The following EMP2 variants were observed in gnomAD, a reference collection of about 807,000 sequenced individuals.
EMP2 encodes the protein epithelial membrane protein 2.
A neutral mutation model predicts 13.7 loss-of-function variants in EMP2; 19 were observed. That is an observed-to-expected ratio of 1.38 (90% CI 0.97 to 2.03). The LOEUF (loss-of-function observed/expected upper bound fraction) is 2.03, where lower values mean the gene tolerates loss of function less well. Among genes scored for constraint, EMP2 ranks in the 30% most tolerant of loss-of-function variants. The pLI is 0.00. For synonymous variants in EMP2, 97 were observed against 84.7 expected, an observed-to-expected ratio of 1.15 and a Z score of -0.80; for missense variants, 253 against 220.7, an observed-to-expected ratio of 1.15 and a Z score of -0.93.
At position 10,532,898 on chromosome 16, in the gene EMP2, C is replaced by T. The variant is rs776818054; in HGVS notation, c.*7G>A. 4.1e-6 allele frequency: 6 copies of T among 1,476,510 alleles called. No individual in the cohort carries two copies. The highest frequency in any genetic ancestry group is 2.4e-4 in the Middle Eastern group (1 of 4,238). The allele number at this position is 1,476,510 out of a possible 1,614,324, so 91.5% of individuals were successfully genotyped here. A position where few individuals can be genotyped will look rare whatever the true frequency, so the allele number is the denominator to read the frequency against. ...TACTGCAGCAGAAGCAACCCAGCTC[C>T]GGAACTCTATTTGCGCTTCCTCAGT... On this transcript the variant is annotated 3_prime_UTR_variant, in exon 5 of 5. Coordinates refer to ENST00000359543, the MANE Select transcript of EMP2 (RefSeq NM_001424.6).
At chr16:10,575,780 C>T (rs74007159) in intron 1 of EMP2, among the ~76,000 whole-genome samples, 108 of 152,218 alleles carry the variant, frequency 7.1e-4, no homozygotes, top group African/African-American at 2.5e-3. Flanking sequence ...TTCTGATCCA[C>T]AGACAGCTGG....
chr16:10,543,696 C>A, intron 2 of EMP2, 36 bp from the exon 3 acceptor site: 1 of 1,602,258 alleles, frequency 6.2e-7, no homozygotes, highest in South Asian at 1.1e-5. Context: ...GAAAGGCCGT[C>A]CGTTCATGAT....
intron 1 of EMP2, among the ~76,000 whole-genome samples, chr16:10,579,738 A>ACACACACACACACC (rs748732742): frequency 1.1e-3 from 161 of 145,198 alleles, no homozygotes; most frequent in African/African-American, 4.0e-3. Flanking sequence ...ACACACACAC[A>ACACACACACACACC]CCCTCAAAGC....
intron 1 of EMP2, among the ~76,000 whole-genome samples, chr16:10,575,693 T>A (rs1233410217): frequency 6.6e-6 from 1 of 152,072 alleles, no homozygotes; most frequent in Admixed American, 6.5e-5. Flanking sequence ...GAAGCCAGCC[T>A]CTCCCTCAGC....
At chr16:10,564,694 C>T (rs7342766) in intron 1 of EMP2, among the ~76,000 whole-genome samples, 233 of 152,024 alleles carry the variant, frequency 1.5e-3, no homozygotes, top group African/African-American at 5.0e-3. Flanking sequence ...TCCTCCCATC[C>T]ACCACCACCA....
chr16:10,532,723 ACTCTT>A lies in EMP2; in HGVS notation c.*177_*181del, dbSNP rs2050613228. 1 of 482,232 alleles carries A rather than the reference ACTCTT, an allele frequency of 2.1e-6. No homozygotes were observed. Among genetic ancestry groups the A allele is most frequent in the Non-Finnish European group, 3.0e-6 (1 of 337,916 alleles). The allele number at this position is 482,232 out of a possible 1,614,324, so 29.9% of individuals were successfully genotyped here. A position where few individuals can be genotyped will look rare whatever the true frequency, so the allele number is the denominator to read the frequency against. On this transcript the variant is annotated 3_prime_UTR_variant, in exon 5 of 5. Coordinates refer to ENST00000359543, the MANE Select transcript of EMP2 (RefSeq NM_001424.6). Reference sequence around the variant, plus strand: ...ATTCTCTGATCTCAAGAATGCAAAAACTCTTCTCTCTTTTGGATTTTTTTTTTCTT... The same window carrying A: ...ATTCTCTGATCTCAAGAATGCAAAAACTCTCTTTTGGATTTTTTTTTTCTT...
chr16:10,551,044 A>C (rs2050784809), intron 1 of EMP2, among the ~76,000 whole-genome samples: 1 of 152,170 alleles, frequency 6.6e-6, no homozygotes, highest in South Asian at 2.1e-4. Flanking sequence ...TGTAAATGAG[A>C]CACATTACAT....
intron 3 of EMP2, among the ~76,000 whole-genome samples, chr16:10,538,783 C>T (rs1187294697): frequency 6.6e-6 from 1 of 152,018 alleles, no homozygotes; most frequent in Non-Finnish European, 1.5e-5. Flanking sequence ...GGGTTACCTT[C>T]GTGGGCCTCA....
chr16:10,552,106 A>G (rs1320268909), intron 1 of EMP2, among the ~76,000 whole-genome samples: 1 of 147,918 alleles, frequency 6.8e-6, no homozygotes, highest in Non-Finnish European at 1.5e-5. Context: ...CTGCCTCCAA[A>G]ATGATGCATT....
At chr16:10,550,135 C>T (rs2050775364) in intron 1 of EMP2, among the ~76,000 whole-genome samples, 1 of 152,078 alleles carries the variant, frequency 6.6e-6, no homozygotes, top group Admixed American at 6.6e-5. Context: ...ATCCGCCTGC[C>T]TCGGCCTCCC....
At chr16:10,546,295 A>C (rs1401646441) in intron 2 of EMP2, 1 of 152,180 alleles carries the variant, frequency 6.6e-6, no homozygotes, top group Non-Finnish European at 1.5e-5. Context: ...CTGCCCTTTA[A>C]TTATCTCTGC....
intron 3 of EMP2, among the ~76,000 whole-genome samples, chr16:10,541,073 GC>G (rs1484796678): frequency 6.6e-6 from 1 of 151,144 alleles, no homozygotes; most frequent in Non-Finnish European, 1.5e-5. Context: ...GAGTGACAAA[GC>G]GAGACCCTGA....
At position 10,569,855 on chromosome 16, in the gene EMP2, G is replaced by A. The variant is rs561009614; in HGVS notation, c.-61+10694C>T. Among the ~76,000 whole-genome samples the A allele has an allele frequency of 1.7e-4, 26 of 152,290 alleles. 1 individual carries two copies. Among genetic ancestry groups the A allele is most frequent in the African/African-American group, 6.0e-4 (25 of 41,562 alleles). ...GAAGAATGTGACCCCATGTCACACT[G>A]GTATAAACGGATGCTGATCATGCCA... is the stretch of plus-strand genomic sequence containing the variant. On this transcript the variant is annotated intron_variant, in intron 1 of 4. Coordinates refer to ENST00000359543, the MANE Select transcript of EMP2 (RefSeq NM_001424.6).
intron 1 of EMP2, chr16:10,576,599 CA>C: frequency 1.3e-5 from 2 of 151,884 alleles, no homozygotes; most frequent in South Asian, 4.2e-4. Context: ...CCCAGAGTTC[CA>C]GGAAGCTTCT....
Position 10,580,278 on chromosome 16 carries a change from C to T in EMP2, c.-61+271G>A, listed in dbSNP as rs1385743648. Among the ~76,000 whole-genome samples the T allele has an allele frequency of 1.3e-5, 2 of 152,188 alleles. No homozygotes were observed. The highest frequency in any genetic ancestry group is 2.9e-5 in the Non-Finnish European group (2 of 68,034). ...GGCGGGGCGAGGGGAGGCGCCCTGA[C>T]TCCTCCCCAAACTTTTCCCGCCTGC... On this transcript the variant is annotated intron_variant, in intron 1 of 4. Coordinates refer to ENST00000359543, the MANE Select transcript of EMP2 (RefSeq NM_001424.6). This position sits in a 1 kb window ranked among gnomAD's most constrained non-coding sequence, Gnocchi z 4.3.
intron 1 of EMP2, among the ~76,000 whole-genome samples, chr16:10,572,345 G>A: frequency 6.6e-6 from 1 of 151,984 alleles, no homozygotes; most frequent in East Asian, 1.9e-4. Context: ...TACTCAGGAG[G>A]CTGAGGACAG....
intron 1 of EMP2, among the ~76,000 whole-genome samples, chr16:10,554,530 C>T (rs1407797156): frequency 1.3e-5 from 2 of 152,112 alleles, no homozygotes; most frequent in African/African-American, 2.4e-5. Context: ...TCTGATGATA[C>T]GAAAGAACAA....
chr16:10,577,164 G>C (rs550182930), intron 1 of EMP2, among the ~76,000 whole-genome samples: 5 of 152,214 alleles, frequency 3.3e-5, no homozygotes, highest in Admixed American at 2.6e-4. Flanking sequence ...CTCTCTGAGT[G>C]TCCCTAGCTG....
At chr16:10,560,306 C>T (rs898402104) in intron 1 of EMP2, among the ~76,000 whole-genome samples, 4 of 152,176 alleles carry the variant, frequency 2.6e-5, no homozygotes, top group Admixed American at 6.5e-5. Flanking sequence ...AGGTCATCCC[C>T]GAGTCCTCCA....
Sources: gnomAD v4.1 joint callset for allele counts (sites outside exome capture counted in the v4.1 genomes callset) on GRCh38, gnomAD v4.1.1 for gene constraint, Gnocchi (gnomAD v3.1) non-coding constraint, MANE v1.5 for transcripts, NCBI Gene and HGNC (gene_info 2026-07-23, HGNC 2026-07-21) for gene names.